KCNQ3: variants seen among roughly 807,000 people sequenced by gnomAD.
The protein encoded by KCNQ3 is potassium voltage-gated channel subfamily Q member 3.
Under a neutral mutation model 92.5 loss-of-function variants are expected in KCNQ3, and 30 were observed. That is an observed-to-expected ratio of 0.32 (90% CI 0.24 to 0.44). KCNQ3 has a LOEUF of 0.44. KCNQ3 is among the 20% of genes least tolerant of loss of function. The probability of loss-of-function intolerance (pLI) is 1.00; values close to 1 mark genes in which losing one functional copy is unlikely to be tolerated. For missense variants in KCNQ3, 913 were observed against 1,140.3 expected (o/e 0.80, Z 2.87); for synonymous variants, 450 against 468.8 (o/e 0.96, Z 0.52).
chr8:132,230,648 C>T (rs1051993199), intron 1 of KCNQ3, among the ~76,000 whole-genome samples: 4 of 152,144 alleles, frequency 2.6e-5, no homozygotes, highest in Non-Finnish European at 5.9e-5. Context: ...AATGTAAAGA[C>T]ATAATTCCTG....
At chr8:132,149,458 G>T (rs1456503892) in intron 9 of KCNQ3, among the ~76,000 whole-genome samples, 4 of 152,134 alleles carry the variant, frequency 2.6e-5, no homozygotes, top group Non-Finnish European at 5.9e-5. Context: ...ATCTTTCCTG[G>T]TCATGTGACA....
Position 132,163,493 on chromosome 8 carries a change from T to G in KCNQ3, c.1237A>C (p.Lys413Gln). The part of the protein sequence containing the change: ...ESVVSFPFFR[K>Q]EQLEAASSQK... The stretch of plus-strand genomic sequence containing the variant: ...CTGGATGCTGCCTCCAGCTGTTCTT[T>G]CCTAGAAAGAGAAGAGGGAGAAAAA... Residue 413 changes from lysine (K) to glutamine (Q), a missense_variant and splice_region_variant, in exon 9 of 15, where the codon AAA (lysine) becomes CAA (glutamine). Coordinates refer to ENST00000388996, the MANE Select transcript of KCNQ3 (RefSeq NM_004519.4). 1 of 1,611,484 alleles carries G rather than the reference T, an allele frequency of 6.2e-7. No individual in the cohort carries two copies. Among genetic ancestry groups the G allele is most frequent in the Non-Finnish European group, 8.5e-7 (1 of 1,177,650 alleles).
chr8:132,240,481 C>A (rs938552730), intron 1 of KCNQ3, among the ~76,000 whole-genome samples: 3 of 152,096 alleles, frequency 2.0e-5, no homozygotes, highest in African/African-American at 7.2e-5. Context: ...CCACCATGCC[C>A]GGCCCATGCC....
rs1052400847 is a variant in KCNQ3, at chr8:132,387,181, T to A, written c.386+92966A>T. On this transcript the variant is annotated intron_variant, in intron 1 of 14. Coordinates refer to ENST00000388996, the MANE Select transcript of KCNQ3 (RefSeq NM_004519.4). ...TATTAAAAGAAAAAGAAAATCATCA[T>A]GTCCAAATAGGATAGCATAATTCAA... Among the ~76,000 whole-genome samples the A allele has an allele frequency of 2.0e-5, 3 of 152,172 alleles. No individual in the cohort carries two copies. In the East Asian group the frequency reaches 5.8e-4, roughly 29 times the overall value.
chr8:132,442,958 C>G (rs1462144979), intron 1 of KCNQ3, among the ~76,000 whole-genome samples: 1 of 152,200 alleles, frequency 6.6e-6, no homozygotes, highest in Non-Finnish European at 1.5e-5. Context: ...CTCAGACACC[C>G]TATCTCAGCC....
intron 1 of KCNQ3, among the ~76,000 whole-genome samples, chr8:132,248,500 A>C (rs1016259519): frequency 2.6e-5 from 4 of 152,208 alleles, no homozygotes; most frequent in African/African-American, 9.6e-5. Flanking sequence ...TTCTAGGGAA[A>C]GCTCAAGACC....
chr8:132,473,501 T>G (rs1403605104), intron 1 of KCNQ3, among the ~76,000 whole-genome samples: 2 of 152,204 alleles, frequency 1.3e-5, no homozygotes, highest in East Asian at 3.8e-4. Context: ...TTCCTTTTGT[T>G]TTATTTATTT....
At chr8:132,444,250 C>A (rs1441061220) in intron 1 of KCNQ3, among the ~76,000 whole-genome samples, 1 of 152,118 alleles carries the variant, frequency 6.6e-6, no homozygotes, top group African/African-American at 2.4e-5. Flanking sequence ...TCCTTTTGCA[C>A]CTGTCTCCTG....
intron 1 of KCNQ3, among the ~76,000 whole-genome samples, chr8:132,205,863 C>G (rs1193928222): frequency 2.6e-5 from 4 of 152,094 alleles, no homozygotes; most frequent in African/African-American, 9.7e-5. Flanking sequence ...CAGGAAATAT[C>G]TAGAACAGCT....
intron 13 of KCNQ3, 73 bp downstream of exon 13, chr8:132,134,217 C>A: frequency 9.2e-7 from 1 of 1,085,922 alleles, no homozygotes; most frequent in East Asian, 2.4e-5. Flanking sequence ...AGGACCCCAG[C>A]AGAGGTTTGG....
At chr8:132,225,177 C>T (rs1449629147) in intron 1 of KCNQ3, among the ~76,000 whole-genome samples, 1 of 152,050 alleles carries the variant, frequency 6.6e-6, no homozygotes, top group African/African-American at 2.4e-5. Context: ...AATATTGTGC[C>T]CAAATGAAAA....
At chr8:132,175,218 C>T (rs1826508011) in intron 5 of KCNQ3, among the ~76,000 whole-genome samples, 1 of 152,236 alleles carries the variant, frequency 6.6e-6, no homozygotes, top group African/African-American at 2.4e-5. Flanking sequence ...AACGACCATG[C>T]AACCAGGCTG....
At chr8:132,366,757 G>T (rs1819333144) in intron 1 of KCNQ3, among the ~76,000 whole-genome samples, 1 of 152,058 alleles carries the variant, frequency 6.6e-6, no homozygotes, top group Admixed American at 6.6e-5. Context: ...ATTTACTGAG[G>T]TGAAAAATGT....
chr8:132,189,915 G>C (rs1349517427), intron 1 of KCNQ3, among the ~76,000 whole-genome samples: 1 of 145,092 alleles, frequency 6.9e-6, no homozygotes, highest in Non-Finnish European at 1.5e-5. Flanking sequence ...AAAAGAGAGA[G>C]AGAGAGAGAA....
At chr8:132,467,497 T>C (rs187661497) in intron 1 of KCNQ3, among the ~76,000 whole-genome samples, 1 of 152,080 alleles carries the variant, frequency 6.6e-6, no homozygotes, top group Non-Finnish European at 1.5e-5. Flanking sequence ...GGTAGAGAAC[T>C]AGATGGGAGG....
chr8:132,395,287 T>C (rs1025389567), intron 1 of KCNQ3, among the ~76,000 whole-genome samples: 5 of 152,160 alleles, frequency 3.3e-5, no homozygotes. Flanking sequence ...ATATCCCCCT[T>C]CTAGCAATTT....
intron 1 of KCNQ3, among the ~76,000 whole-genome samples, chr8:132,268,523 T>A (rs1437584957): frequency 6.6e-6 from 1 of 152,200 alleles, no homozygotes; most frequent in African/African-American, 2.4e-5. Context: ...TCTCCCAAAG[T>A]GCTGGGATTA....
At chr8:132,446,493 C>T (rs1284708048) in intron 1 of KCNQ3, among the ~76,000 whole-genome samples, 1 of 152,138 alleles carries the variant, frequency 6.6e-6, no homozygotes, top group Non-Finnish European at 1.5e-5. Context: ...TCAGGTTCTT[C>T]GTCCTTTAAG....
At chr8:132,270,043 T>C (rs998953921) in intron 1 of KCNQ3, among the ~76,000 whole-genome samples, 1 of 152,152 alleles carries the variant, frequency 6.6e-6, no homozygotes, top group African/African-American at 2.4e-5. Context: ...TGGCCCATTT[T>C]CTGTGGGAAC....
Sources: gnomAD v4.1 joint callset for allele counts (sites outside exome capture counted in the v4.1 genomes callset) on GRCh38, gnomAD v4.1.1 for gene constraint, MANE v1.5 for transcripts, NCBI Gene and HGNC (gene_info 2026-07-23, HGNC 2026-07-21) for gene names.